ZNHIT3: variants seen among roughly 807,000 people sequenced by gnomAD.
The protein encoded by ZNHIT3 is zinc finger HIT-type containing 3, also known as zinc finger HIT domain-containing protein 3.
ZNHIT3 carries 27 observed loss-of-function variants against 19.9 expected under a neutral mutation model. That is an observed-to-expected ratio of 1.36 (90% CI 1.00 to 1.87). The LOEUF (loss-of-function observed/expected upper bound fraction) is 1.87. Among genes scored for constraint, ZNHIT3 ranks in the 40% most tolerant of loss-of-function variants. The pLI is 0.00. For synonymous variants in ZNHIT3, 81 were observed against 65.7 expected (o/e 1.23, Z -1.13); for missense variants, 215 against 185.6 (o/e 1.16, Z -0.92).
downstream of ZNHIT3, chr17:36,496,116 G>A (rs1278755172): frequency 1.0e-5 from 13 of 1,258,590 alleles, no homozygotes; most frequent in Non-Finnish European, 1.4e-5. Context: ...GCTCTGGGTC[G>A]AAGGCTGGAG....
In ZNHIT3 at chr17:36,495,528, T is replaced by G; in HGVS notation, c.*124T>G. On this transcript the variant is annotated 3_prime_UTR_variant, in exon 5 of 5. Transcript: ENST00000617429. ...CAAAAGAGGTTTCCAGGATGCAGATTAGGTCATGCAGGCCTTTACCGGCAT... is the reference window on the plus strand; with the variant it reads ...CAAAAGAGGTTTCCAGGATGCAGATGAGGTCATGCAGGCCTTTACCGGCAT... The G allele has an allele frequency of 7.2e-7, 1 of 1,382,912 alleles. No homozygotes were observed. The highest frequency in any genetic ancestry group is 9.3e-7 in the Non-Finnish European group (1 of 1,072,314). The allele number at this position is 1,382,912 out of a possible 1,614,324, so 85.7% of individuals were successfully genotyped here. A position where few individuals can be genotyped will look rare whatever the true frequency, so the allele number is the denominator to read the frequency against.
intron 2 of ZNHIT3, among the ~76,000 whole-genome samples, chr17:36,488,544 A>G (rs1276530556): frequency 6.6e-6 from 1 of 151,566 alleles, no homozygotes; most frequent in East Asian, 1.9e-4. Flanking sequence ...GACTCCATCT[A>G]AAAAAAAATT....
intron 3 of ZNHIT3, chr17:36,493,207 C>G (rs79931608): frequency 0.35 from 153,778 of 436,478 alleles, 29,792 homozygotes; most frequent in Non-Finnish European, 0.42. Flanking sequence ...AGCTGCTGGT[C>G]TCCCTCCATG....
chr17:36,494,009 A>C lies in ZNHIT3; in HGVS notation c.286+3A>C. On this transcript the variant is annotated splice_donor_region_variant and intron_variant, in intron 4 of 4. Coordinates refer to ENST00000617429, the MANE Select transcript of ZNHIT3 (RefSeq NM_004773.4). ...TTTGCAGAATTTAAAGAATTTAGGT[A>C]AGTCTGTGCTATGCTTGTCAATCGT... 1 of 1,606,010 alleles carries C rather than the reference A, an allele frequency of 6.2e-7. No homozygotes were observed.
chr17:36,490,949 G>A (rs1265441082), intron 2 of ZNHIT3: 3 of 151,960 alleles, frequency 2.0e-5, no homozygotes, highest in Admixed American at 6.6e-5. Context: ...CCAAGTAGTT[G>A]GGACTGCAGG....
chr17:36,499,039 TCCACTG>T, downstream of ZNHIT3: 1 of 1,534,004 alleles, frequency 6.5e-7, no homozygotes, highest in African/African-American at 1.4e-5. Flanking sequence ...CCAAAATTGA[TCCACTG>T]CCCACCCCGA....
chr17:36,498,501 G>C, downstream of ZNHIT3: 2 of 1,614,052 alleles, frequency 1.2e-6, no homozygotes, highest in South Asian at 2.2e-5. Flanking sequence ...GGGAGCTTGA[G>C]AGAAGTGTTT....
chr17:36,498,294 C>T (rs554560032), downstream of ZNHIT3: 54 of 1,613,198 alleles, frequency 3.3e-5, 1 homozygote, highest in South Asian at 5.8e-4. Context: ...GGACGTGACA[C>T]CAGCCTGGTC....
chr17:36,496,320 A>G, downstream of ZNHIT3: 1 of 1,614,038 alleles, frequency 6.2e-7, no homozygotes, highest in Non-Finnish European at 8.5e-7. Flanking sequence ...GAATCTGATT[A>G]AAGCCTGTAA....
intron 2 of ZNHIT3, chr17:36,492,023 A>G (rs1019718763): frequency 2.6e-5 from 4 of 152,290 alleles, no homozygotes; most frequent in Admixed American, 6.5e-5. Context: ...TACCTGGCAC[A>G]GTGCTCGGCA....
chr17:36,495,461 TC>T lies in ZNHIT3; in HGVS notation c.*60del. ...TGCTTGACTCCTGGAACCTGCCTGC[TC>T]CCTCTCCCAGACCAGCTAGTTTGGG... On this transcript the variant is annotated 3_prime_UTR_variant, in exon 5 of 5. Coordinates refer to ENST00000617429, the MANE Select transcript of ZNHIT3 (RefSeq NM_004773.4). The T allele has an allele frequency of 6.7e-7, 1 of 1,498,792 alleles. No homozygotes were observed. 92.8% of individuals were successfully genotyped at this position (1,498,792 alleles called of 1,614,324 possible).
At chr17:36,496,316 G>A, downstream of ZNHIT3, 1 of 1,613,222 alleles carries the variant, frequency 6.2e-7, no homozygotes, top group Admixed American at 1.7e-5. Flanking sequence ...AGCAGAATCT[G>A]ATTAAAGCCT....
chr17:36,497,653 C>T (rs1372893941), downstream of ZNHIT3: 6 of 522,326 alleles, frequency 1.1e-5, no homozygotes, highest in East Asian at 7.5e-4. Flanking sequence ...GGCGCAATCT[C>T]GGCTCACTGC....
intron 2 of ZNHIT3, 52 bp downstream of exon 2, chr17:36,487,018 A>G: frequency 6.3e-7 from 1 of 1,599,782 alleles, no homozygotes; most frequent in Non-Finnish European, 8.5e-7. Context: ...GGCAGCCCCC[A>G]CGTCCAGCCT....
chr17:36,499,013 C>T (rs531974758), downstream of ZNHIT3: 31 of 1,336,144 alleles, frequency 2.3e-5, no homozygotes, highest in Admixed American at 1.6e-4. Flanking sequence ...CATTCCCACT[C>T]GGGTCCATCT....
At chr17:36,493,533 AG>A (rs774545196) in intron 3 of ZNHIT3, among the ~76,000 whole-genome samples, 12 of 151,446 alleles carry the variant, frequency 7.9e-5, no homozygotes, top group Non-Finnish European at 1.5e-4. Flanking sequence ...CTGAAAGCAC[AG>A]GAGATTCTAC....
chr17:36,498,381 T>C, downstream of ZNHIT3: 1 of 1,613,986 alleles, frequency 6.2e-7, no homozygotes, highest in Non-Finnish European at 8.5e-7. Flanking sequence ...TAATTTCCTC[T>C]GAAAGCTGCC....
chr17:36,496,296 G>A (rs371280771), downstream of ZNHIT3: 2 of 1,614,066 alleles, frequency 1.2e-6, no homozygotes, highest in Non-Finnish European at 1.7e-6. Flanking sequence ...GGATCAGCCT[G>A]TGTCTTTCCA....
intron 2 of ZNHIT3, chr17:36,491,916 A>C (rs1175528437): frequency 2.0e-5 from 3 of 152,190 alleles, no homozygotes; most frequent in Non-Finnish European, 4.4e-5. Context: ...AGTTTATTAC[A>C]AGAAAATTTA....
Sources: allele counts gnomAD v4.1 joint callset (sites outside exome capture counted in the v4.1 genomes callset), GRCh38; gene constraint gnomAD v4.1.1; transcripts MANE v1.5; gene names NCBI Gene and HGNC (gene_info 2026-07-23, HGNC 2026-07-21).